The following TMEM132C variants were observed in gnomAD, a reference collection of about 807,000 sequenced individuals.
TMEM132C encodes the protein protein phosphatase 1, regulatory subunit 152.
In TMEM132C, 29 loss-of-function variants were observed where a neutral mutation model predicts 61.4. The ratio of observed to expected loss-of-function variants is 0.47; its 90% CI spans 0.35 to 0.64. The LOEUF is 0.64. TMEM132C is among the 30% of genes least tolerant of loss of function. The pLI, the probability that TMEM132C is intolerant of heterozygous loss-of-function variation, is 0.00. For synonymous variants in TMEM132C, 656 were observed against 633.1 expected (o/e 1.04, Z -0.54); for missense variants, 1,408 against 1,476.9 (o/e 0.95, Z 0.76).
At chr12:128,629,239 T>C (rs1419011734) in intron 4 of TMEM132C, among the ~76,000 whole-genome samples, 1 of 152,048 alleles carries the variant, frequency 6.6e-6, no homozygotes, top group Non-Finnish European at 1.5e-5. Flanking sequence ...CCTGGGACAG[T>C]TTCAGTGGCT....
intron 2 of TMEM132C, among the ~76,000 whole-genome samples, chr12:128,435,858 G>T (rs2136042428): frequency 6.6e-6 from 1 of 152,266 alleles, no homozygotes; most frequent in Admixed American, 6.5e-5. Flanking sequence ...TAAGCAAAAA[G>T]AACAAAGCTG....
intron 1 of TMEM132C, chr12:128,288,338 G>T (rs559154642): frequency 6.6e-6 from 1 of 152,256 alleles, no homozygotes; most frequent in African/African-American, 2.4e-5. Flanking sequence ...GATTACAGGC[G>T]TGAGACACCA....
intron 3 of TMEM132C, among the ~76,000 whole-genome samples, chr12:128,568,269 G>C (rs1267424659): frequency 2.0e-5 from 3 of 152,158 alleles, no homozygotes; most frequent in East Asian, 1.9e-4. Flanking sequence ...AAGACCTTCA[G>C]GGGCAGCCAG....
intron 2 of TMEM132C, among the ~76,000 whole-genome samples, chr12:128,503,181 T>C (rs112379811): frequency 0.012 from 1,890 of 152,304 alleles, 30 homozygotes; most frequent in African/African-American, 0.043. Flanking sequence ...AGTTGTAGAC[T>C]ATCATTGACC....
chr12:128,425,670 G>A (rs962257479), intron 2 of TMEM132C, among the ~76,000 whole-genome samples: 2 of 152,160 alleles, frequency 1.3e-5, no homozygotes, highest in African/African-American at 2.4e-5. Flanking sequence ...TGCTCCCTCC[G>A]AAGGCTCTAG....
chr12:128,650,332 C>A (rs1954255340), intron 4 of TMEM132C, among the ~76,000 whole-genome samples: 1 of 152,016 alleles, frequency 6.6e-6, no homozygotes, highest in Admixed American at 6.6e-5. Flanking sequence ...TTCCAGGTAC[C>A]CCAAGAAGAC....
intron 2 of TMEM132C, among the ~76,000 whole-genome samples, chr12:128,441,412 G>A (rs1219670838): frequency 3.9e-5 from 6 of 152,204 alleles, no homozygotes; most frequent in African/African-American, 1.4e-4. Flanking sequence ...GCTACAAGGC[G>A]ATGGCTTAGT....
At chr12:128,547,268 G>T (rs1006179769) in intron 3 of TMEM132C, among the ~76,000 whole-genome samples, 3 of 152,144 alleles carry the variant, frequency 2.0e-5, no homozygotes, top group Admixed American at 2.0e-4. Context: ...GTGGCTGCTT[G>T]CAGGAGCCTC....
At chr12:128,311,796 C>T (rs1316738561) in intron 1 of TMEM132C, among the ~76,000 whole-genome samples, 2 of 152,258 alleles carry the variant, frequency 1.3e-5, no homozygotes, top group East Asian at 3.9e-4. Flanking sequence ...GAGGCCCCAC[C>T]TCTTCCCCAC....
At chr12:128,338,086 C>CTT (rs3996468) in intron 1 of TMEM132C, among the ~76,000 whole-genome samples, 211 of 144,694 alleles carry the variant, frequency 1.5e-3, no homozygotes, top group African/African-American at 4.7e-3. Context: ...TTACATCTGG[C>CTT]TTTTTTTTTT....
Position 128,271,754 on chromosome 12 carries a change from A to T in TMEM132C, c.85+4267A>T, listed in dbSNP as rs76391006. Among the ~76,000 whole-genome samples, 409 of 152,342 alleles carry T rather than the reference A, an allele frequency of 2.7e-3. 7 individuals are homozygous for T. In the East Asian group the frequency reaches 0.062, roughly 23 times the overall value. On this transcript the variant is annotated intron_variant, in intron 1 of 8. Transcript: ENST00000435159. ...CTTCTTCGTTCATCTCACTGTTCAC[A>T]GTTAGCTTAATCACCAGGGTGGCTA...
intron 4 of TMEM132C, among the ~76,000 whole-genome samples, chr12:128,628,221 C>T (rs941552546): frequency 1.3e-5 from 2 of 152,194 alleles, no homozygotes; most frequent in Non-Finnish European, 2.9e-5. Flanking sequence ...CTCACAGTAA[C>T]AGCCTTGAAC....
intron 1 of TMEM132C, among the ~76,000 whole-genome samples, chr12:128,401,142 G>A (rs899939332): frequency 2.6e-5 from 4 of 152,008 alleles, no homozygotes; most frequent in African/African-American, 7.3e-5. Context: ...AGCTAAATAC[G>A]GTATTTACAT....
At chr12:128,363,828 G>C (rs950675458) in intron 1 of TMEM132C, among the ~76,000 whole-genome samples, 12 of 141,244 alleles carry the variant, frequency 8.5e-5, no homozygotes, top group African/African-American at 3.2e-4. Context: ...CTGAGCAACA[G>C]AGTGAGACTC....
chr12:128,448,938 C>T lies in TMEM132C; in HGVS notation c.974+33318C>T, dbSNP rs149084331. Among the ~76,000 whole-genome samples the T allele has an allele frequency of 2.9e-3, 447 of 151,770 alleles. 3 individuals carry two copies. Among genetic ancestry groups the T allele is most frequent in the Admixed American group, 6.9e-3 (106 of 15,260 alleles). ...GGATCACGAGGTCAGGAGATCGAGA[C>T]CATCCTGGCTAACACGGCGAAACCC... On this transcript the variant is annotated intron_variant, in intron 2 of 8. Transcript: ENST00000435159.
chr12:128,454,880 A>G (rs981869224), intron 2 of TMEM132C, among the ~76,000 whole-genome samples: 2 of 152,218 alleles, frequency 1.3e-5, no homozygotes, highest in Non-Finnish European at 2.9e-5. Flanking sequence ...TCACAGAGAC[A>G]GGAGCCTGCA....
chr12:128,573,440 C>T (rs189932917), intron 3 of TMEM132C, among the ~76,000 whole-genome samples: 75 of 147,644 alleles, frequency 5.1e-4, no homozygotes, highest in Middle Eastern at 3.4e-3. Context: ...CATCACACAC[C>T]GGGGCCTGTC....
intron 1 of TMEM132C, among the ~76,000 whole-genome samples, chr12:128,307,424 T>C (rs1324609120): frequency 1.7e-5 from 2 of 121,106 alleles, no homozygotes; most frequent in East Asian, 1.9e-4. Flanking sequence ...CTCTCCAGAT[T>C]TGAAAAAAAA....
intron 2 of TMEM132C, among the ~76,000 whole-genome samples, chr12:128,512,728 C>T (rs541823064): frequency 1.1e-4 from 17 of 152,218 alleles, no homozygotes; most frequent in African/African-American, 2.6e-4. Context: ...TTGAATTTGC[C>T]GCTGTGAAGT....
Sources: allele counts gnomAD v4.1 joint callset (sites outside exome capture counted in the v4.1 genomes callset), GRCh38; gene constraint gnomAD v4.1.1; transcripts MANE v1.5; gene names NCBI Gene and HGNC (gene_info 2026-07-23, HGNC 2026-07-21).